ECT2L: variants seen among roughly 807,000 people sequenced by gnomAD.
ECT2L encodes the protein epithelial cell-transforming sequence 2 oncogene-like.
ECT2L carries 126 observed loss-of-function variants against 122.8 expected under a neutral mutation model. That is an observed-to-expected ratio of 1.03 (90% CI 0.89 to 1.19). The LOEUF is 1.19. ECT2L is among the 50% of genes most tolerant of loss of function. The pLI is 0.00. For missense variants in ECT2L, 1,012 were observed against 1,064.1 expected, an observed-to-expected ratio of 0.95 and a Z score of 0.68; for synonymous variants, 385 against 381.8, an observed-to-expected ratio of 1.01 and a Z score of -0.10.
chr6:138,809,080 G>A (rs1234691654), intron 1 of ECT2L, among the ~76,000 whole-genome samples: 1 of 152,048 alleles, frequency 6.6e-6, no homozygotes, highest in Non-Finnish European at 1.5e-5. Context: ...TATCACGTTG[G>A]AAAGACCCTC....
At chr6:138,860,116 C>T (rs534640917) in intron 10 of ECT2L, among the ~76,000 whole-genome samples, 11 of 152,206 alleles carry the variant, frequency 7.2e-5, no homozygotes, top group Non-Finnish European at 1.5e-4. Flanking sequence ...TGAGCCACCG[C>T]GCCCAGCCTG....
intron 4 of ECT2L, among the ~76,000 whole-genome samples, chr6:138,821,628 A>G (rs1246376403): frequency 1.3e-5 from 2 of 152,230 alleles, no homozygotes; most frequent in Non-Finnish European, 2.9e-5. Context: ...TTTCACCTAC[A>G]TAAGGGTAAG....
rs138436666 is a variant in ECT2L at position 138,885,220 on chromosome 6, G to A, written c.2029-286G>A. Among the ~76,000 whole-genome samples, 251 of 152,044 alleles carry A rather than the reference G, an allele frequency of 1.7e-3. 1 individual carries two copies. The highest frequency in any genetic ancestry group is 5.9e-3 in the African/African-American group (245 of 41,474). ...ATTTTTTGTATTTTTAGTAGAGACA[G>A]GGTTTCACCATGTTAGCCAGGATGG... On this transcript the variant is annotated intron_variant, in intron 16 of 21. Coordinates refer to ENST00000541398, the MANE Select transcript of ECT2L (RefSeq NM_001077706.3).
At chr6:138,851,182 T>C (rs6912682) in intron 9 of ECT2L, among the ~76,000 whole-genome samples, 2,588 of 152,056 alleles carry the variant, frequency 0.017, 72 homozygotes, top group African/African-American at 0.059. Flanking sequence ...TGTGCTTTTT[T>C]TTTGTTTTGT....
chr6:138,877,168 A>C (rs1778480666), intron 14 of ECT2L, among the ~76,000 whole-genome samples: 1 of 152,232 alleles, frequency 6.6e-6, no homozygotes, highest in African/African-American at 2.4e-5. Context: ...GGGGGAAAAA[A>C]GTCAAATGAC....
chr6:138,824,293 A>C (rs1194647461), intron 4 of ECT2L, among the ~76,000 whole-genome samples: 1 of 151,550 alleles, frequency 6.6e-6, no homozygotes, highest in African/African-American at 2.4e-5. Flanking sequence ...TAATAATTTC[A>C]AAATAAAAGA....
At position 138,902,850 on chromosome 6, in the gene ECT2L, T is replaced by G; in HGVS notation, c.*223T>G. The G allele has an allele frequency of 2.2e-6, 1 of 458,976 alleles. No individual in the cohort carries two copies. The allele number at this position is 458,976 out of a possible 1,614,324, so 28.4% of individuals were successfully genotyped here. A position where few individuals can be genotyped will look rare whatever the true frequency, so the allele number is the denominator to read the frequency against. On this transcript the variant is annotated 3_prime_UTR_variant, in exon 22 of 22. Coordinates refer to ENST00000541398, the MANE Select transcript of ECT2L (RefSeq NM_001077706.3). ...TGAGTCCAAAATTTTGAACTACTTC[T>G]TTTGGTAGCTGTATTTCATGGATAA...
At chr6:138,802,797 C>G (rs1775586642) in intron 1 of ECT2L, among the ~76,000 whole-genome samples, 1 of 152,114 alleles carries the variant, frequency 6.6e-6, no homozygotes, top group Non-Finnish European at 1.5e-5. Context: ...ATGAGGCAGG[C>G]AGTGCAAGGT....
intron 1 of ECT2L, among the ~76,000 whole-genome samples, chr6:138,798,124 C>T (rs1373853804): frequency 1.3e-5 from 2 of 152,232 alleles, no homozygotes; most frequent in Non-Finnish European, 2.9e-5. Flanking sequence ...TCCATGCCTT[C>T]TCAGCCCCTC....
At chr6:138,810,827 T>C (rs1775867292) in intron 1 of ECT2L, among the ~76,000 whole-genome samples, 1 of 152,240 alleles carries the variant, frequency 6.6e-6, no homozygotes, top group South Asian at 2.1e-4. Context: ...AAGGGAGCTA[T>C]ACCTGTATCT....
At chr6:138,902,144 T>C (rs1297388425) in intron 21 of ECT2L, among the ~76,000 whole-genome samples, 1 of 152,254 alleles carries the variant, frequency 6.6e-6, no homozygotes, top group Non-Finnish European at 1.5e-5. Flanking sequence ...GCTCTCATAC[T>C]GAGGTCGTCT....
intron 11 of ECT2L, among the ~76,000 whole-genome samples, chr6:138,863,540 G>C (rs767970919): frequency 6.6e-6 from 1 of 152,120 alleles, no homozygotes; most frequent in East Asian, 1.9e-4. Context: ...TTGGCTCTGC[G>C]GAGAGAGGAA....
At position 138,797,400 on chromosome 6, in the gene ECT2L, C is replaced by T. The variant is rs116208323; in HGVS notation, c.-244+1208C>T. Among the ~76,000 whole-genome samples the T allele has an allele frequency of 6.4e-3, 971 of 152,264 alleles. 6 individuals are homozygous for T. The highest frequency in any genetic ancestry group is 0.022 in the African/African-American group (928 of 41,540). On this transcript the variant is annotated intron_variant, in intron 1 of 21. Transcript: ENST00000541398. ...TGCATGTGTGAATTGCAGAAGTACGCGCATGTAGGTACATACCTCTGCCGA... is the reference window on the plus strand; with the variant it reads ...TGCATGTGTGAATTGCAGAAGTACGTGCATGTAGGTACATACCTCTGCCGA...
chr6:138,863,245 C>G (rs12205026), intron 11 of ECT2L, among the ~76,000 whole-genome samples: 43,403 of 152,020 alleles, frequency 0.29, 6,905 homozygotes, highest in Admixed American at 0.38. Flanking sequence ...ACAACAGAAC[C>G]AAATTGCTTT....
chr6:138,824,558 T>TA (rs748380178), intron 4 of ECT2L, among the ~76,000 whole-genome samples: 53,427 of 131,648 alleles, frequency 0.41, 11,421 homozygotes, highest in East Asian at 0.56. Flanking sequence ...AAAAAAACTA[T>TA]AAAAAAAAAC....
In ECT2L at chr6:138,844,464, C is replaced by A. The variant is rs549245814; in HGVS notation, c.648C>A (p.Ser216Arg). Residue 216 changes from serine (S) to arginine (R), a missense_variant, in exon 7 of 22, where the codon AGC becomes AGA. Ser to Arg is a moderately radical substitution (Grantham distance 110, BLOSUM62 -1). Coordinates refer to ENST00000541398, the MANE Select transcript of ECT2L (RefSeq NM_001077706.3). ...GGGTGAGTGGAACTTGCTGCTCTAG[C>A]GTGCTAAAGCCCAGATGCCAACCAC... Reference protein sequence around the residue: ...PPWVSGTCCSSVLKPRCQPRL... With the variant: ...PPWVSGTCCSRVLKPRCQPRL... 1.2e-6 allele frequency: 2 copies of A among 1,614,146 alleles called. No homozygotes were observed. The highest frequency in any genetic ancestry group is 2.2e-5 in the East Asian group (1 of 44,874).
chr6:138,900,519 A>C (rs966059352), intron 20 of ECT2L, among the ~76,000 whole-genome samples: 1 of 152,226 alleles, frequency 6.6e-6, no homozygotes, highest in Non-Finnish European at 1.5e-5. Context: ...TGCTAGGATT[A>C]CAGGCGTGAG....
intron 4 of ECT2L, among the ~76,000 whole-genome samples, chr6:138,825,692 C>T (rs181301176): frequency 2.6e-5 from 4 of 152,276 alleles, no homozygotes; most frequent in Admixed American, 6.5e-5. Flanking sequence ...TCTGTGCATT[C>T]GTATGACTAT....
chr6:138,900,838 G>C, intron 20 of ECT2L, 110 bp from the exon 21 acceptor site: 1 of 1,149,654 alleles, frequency 8.7e-7, no homozygotes. Flanking sequence ...CAAAATGTCA[G>C]TAGTGGGGTA....
Sources: allele counts gnomAD v4.1 joint callset (sites outside exome capture counted in the v4.1 genomes callset), GRCh38; gene constraint gnomAD v4.1.1; transcripts MANE v1.5; gene names NCBI Gene and HGNC (gene_info 2026-07-23, HGNC 2026-07-21).